Variants in PAX7 observed in about 807,000 individuals in gnomAD.
PAX7 encodes paired box 7, also known as paired box protein Pax-7.
Under a neutral mutation model 50.7 loss-of-function variants are expected in PAX7, and 18 were observed. The ratio of observed to expected loss-of-function variants is 0.36; its 90% CI spans 0.25 to 0.53. The LOEUF (loss-of-function observed/expected upper bound fraction) is 0.53. PAX7 is among the 20% of genes least tolerant of loss of function. The pLI, the probability that PAX7 is intolerant of heterozygous loss-of-function variation, is 0.93. For missense variants in PAX7, 644 were observed against 702.9 expected (o/e 0.92, Z 0.95); for synonymous variants, 310 against 290.4 (o/e 1.07, Z -0.69).
chr1:18,720,202 A>G (rs572653623), intron 7 of PAX7, among the ~76,000 whole-genome samples: 1 of 152,122 alleles, frequency 6.6e-6, no homozygotes, highest in Admixed American at 6.5e-5. Context: ...CTAGAGGATG[A>G]CCTCTCATGC....
chr1:18,706,752 G>A (rs1253975305), intron 7 of PAX7, among the ~76,000 whole-genome samples: 1 of 152,146 alleles, frequency 6.6e-6, no homozygotes, highest in Non-Finnish European at 1.5e-5. Context: ...CAAAGTGCTG[G>A]TATTACAGGC....
chr1:18,696,068 T>TTC lies in PAX7; in HGVS notation c.786+4116_786+4117insCT, dbSNP rs201728176. Among the ~76,000 whole-genome samples, 204 of 129,396 alleles carry TTC rather than the reference T, an allele frequency of 1.6e-3. 1 individual carries two copies. Among genetic ancestry groups the TTC allele is most frequent in the African/African-American group, 4.3e-3 (161 of 37,018 alleles). 84.9% of individuals were successfully genotyped at this position (129,396 alleles called of 152,430 possible). On this transcript the variant is annotated intron_variant, in intron 5 of 8. Coordinates refer to ENST00000420770, the MANE Select transcript of PAX7 (RefSeq NM_001135254.2). ...GCATTCATGGTGCATTTCTTTTCTTTTTTTTTTTTTTTTTTTGAGACAGAG... is the reference window on the plus strand; with the variant it reads ...GCATTCATGGTGCATTTCTTTTCTTTTCTTTTTTTTTTTTTTTTGAGACAGAG...
At position 18,691,938 on chromosome 1, in the gene PAX7, A is replaced by C. The variant is rs2076019; in HGVS notation, c.771A>C (p.Thr257=). ...AGCTGGCGCAGAGGACCAAGCTGAC[A>C]GAGGCGCGTGTGCAGGTGAGGAGGC... The part of the protein sequence containing the change: ...REELAQRTKL[T]EARVQVWFSN... The change falls in exon 5 of 9, where the codon ACA becomes ACC. Residue 257 remains threonine (T), a synonymous_variant. Transcript: ENST00000420770. The C allele has an allele frequency of 0.067, 108,150 of 1,613,154 alleles. 5,462 individuals carry two copies. The highest frequency in any genetic ancestry group is 0.28 in the East Asian group (12,418 of 44,760).
At chr1:18,741,526 T>C (rs1931133168) in intron 8 of PAX7, among the ~76,000 whole-genome samples, 1 of 152,134 alleles carries the variant, frequency 6.6e-6, no homozygotes, top group African/African-American at 2.4e-5. Context: ...TAAACAGCCT[T>C]ACTTGATCAT....
At chr1:18,664,189 G>C (rs1309958756) in intron 4 of PAX7, among the ~76,000 whole-genome samples, 1 of 152,236 alleles carries the variant, frequency 6.6e-6, no homozygotes, top group Non-Finnish European at 1.5e-5. Context: ...CAGATGGATG[G>C]GCAGAGGCCC....
chr1:18,668,779 G>C (rs2088702956), intron 4 of PAX7, among the ~76,000 whole-genome samples: 1 of 152,198 alleles, frequency 6.6e-6, no homozygotes, highest in Admixed American at 6.5e-5. Flanking sequence ...CAGATACTTT[G>C]CATGCATTCA....
chr1:18,676,554 C>T (rs2100254296), intron 4 of PAX7, among the ~76,000 whole-genome samples: 1 of 152,076 alleles, frequency 6.6e-6, no homozygotes, highest in African/African-American at 2.4e-5. Context: ...ATAAGTCTTC[C>T]CCACCCCCTT....
intron 7 of PAX7, among the ~76,000 whole-genome samples, chr1:18,722,245 G>A (rs2089503737): frequency 6.6e-6 from 1 of 151,958 alleles, no homozygotes; most frequent in East Asian, 1.9e-4. Context: ...TGGAGTTGGG[G>A]TGCATGCAGT....
chr1:18,704,479 G>A (rs913428001), intron 7 of PAX7, among the ~76,000 whole-genome samples: 1 of 152,152 alleles, frequency 6.6e-6, no homozygotes, highest in African/African-American at 2.4e-5. Context: ...AATTAGCCAG[G>A]CATGATGGCA....
Position 18,742,728 on chromosome 1 carries a change from C to G in PAX7, c.1403-2086C>G, listed in dbSNP as rs537459325. On this transcript the variant is annotated intron_variant, in intron 8 of 8. Transcript: ENST00000420770. ...TCAGACCCTAGGCAGACTTAACTTT[C>G]CTCTCATCACCCACCCTGGAGCCTG... 1.6e-4 allele frequency among the ~76,000 whole-genome samples: 24 copies of G among 152,320 alleles called. 1 individual carries two copies. Among genetic ancestry groups the G allele is most frequent in the African/African-American group, 5.8e-4 (24 of 41,580 alleles).
intron 8 of PAX7, among the ~76,000 whole-genome samples, chr1:18,742,502 A>G (rs1931204070): frequency 6.6e-6 from 1 of 152,178 alleles, no homozygotes; most frequent in African/African-American, 2.4e-5. Flanking sequence ...CGGGTAAGGC[A>G]GGCTTCCAGT....
rs185213257 is a variant in PAX7 at position 18,689,989 on chromosome 1, G to A, written c.587-1765G>A. On this transcript the variant is annotated intron_variant, in intron 4 of 8. Coordinates refer to ENST00000420770, the MANE Select transcript of PAX7 (RefSeq NM_001135254.2). ...TGTATTGGTGGAAGGGGTCAGGGGC[G>A]GGGAGCACAGTTTGAGTGAACCTCA... is the stretch of plus-strand genomic sequence containing the variant. 7.8e-4 allele frequency among the ~76,000 whole-genome samples: 119 copies of A among 152,308 alleles called. 1 individual carries two copies. The highest frequency in any genetic ancestry group is 6.0e-3 in the South Asian group (29 of 4,830).
chr1:18,644,440 T>C (rs2088307105), intron 4 of PAX7, among the ~76,000 whole-genome samples: 1 of 152,222 alleles, frequency 6.6e-6, no homozygotes, highest in African/African-American at 2.4e-5. Flanking sequence ...TAGGGGATCC[T>C]GGATCCCTTT....
chr1:18,730,839 T>C (rs932766717), intron 7 of PAX7, among the ~76,000 whole-genome samples: 70 of 149,564 alleles, frequency 4.7e-4, no homozygotes, highest in African/African-American at 1.6e-3. Flanking sequence ...AGGGTGAGGC[T>C]GGCCTCTTAT....
At chr1:18,635,746 T>A (rs1388939766) in intron 3 of PAX7, among the ~76,000 whole-genome samples, 3 of 152,116 alleles carry the variant, frequency 2.0e-5, no homozygotes, top group African/African-American at 7.2e-5. Flanking sequence ...CACCAGCCAT[T>A]TGAGTCCTAA....
intron 4 of PAX7, among the ~76,000 whole-genome samples, chr1:18,665,666 C>A (rs2088658184): frequency 7.8e-6 from 1 of 127,602 alleles, no homozygotes; most frequent in African/African-American, 3.3e-5. Context: ...AGCCACTGCG[C>A]CCAGCCTTTT....
At position 18,635,198 on chromosome 1, in the gene PAX7, C is replaced by T. The variant is rs2088128772; in HGVS notation, c.409C>T (p.Leu137=). The part of the protein sequence containing the change: ...GMFSWEIRDR[L]LKDGHCDRST... ...GTTCAGCTGGGAGATCCGGGACAGG[C>T]TGCTGAAGGATGGGCACTGTGACCG... The change falls in exon 3 of 9, where the codon CTG becomes TTG. Residue 137 remains leucine, a synonymous_variant. Transcript: ENST00000420770. The T allele has an allele frequency of 2.5e-6, 4 of 1,613,872 alleles. No individual in the cohort carries two copies. Among genetic ancestry groups the T allele is most frequent in the African/African-American group, 1.3e-5 (1 of 74,906 alleles).
At chr1:18,652,748 T>C (rs1161125279) in intron 4 of PAX7, among the ~76,000 whole-genome samples, 4 of 152,180 alleles carry the variant, frequency 2.6e-5, no homozygotes, top group Non-Finnish European at 5.9e-5. Flanking sequence ...ATACAGAAAT[T>C]GAGGCATACA....
intron 7 of PAX7, among the ~76,000 whole-genome samples, chr1:18,718,623 A>G (rs544740081): frequency 2.0e-5 from 3 of 148,788 alleles, no homozygotes; most frequent in South Asian, 4.3e-4. Flanking sequence ...GTGCACCCCA[A>G]TGGTATCCAC....
Sources: gnomAD v4.1 joint callset for allele counts (sites outside exome capture counted in the v4.1 genomes callset) on GRCh38, gnomAD v4.1.1 for gene constraint, MANE v1.5 for transcripts, NCBI Gene and HGNC (gene_info 2026-07-23, HGNC 2026-07-21) for gene names.